PRKCA: variants seen among roughly 807,000 people sequenced by gnomAD.
The protein encoded by PRKCA is protein kinase C alpha.
PRKCA carries 27 observed loss-of-function variants against 87.0 expected under a neutral mutation model. That is an observed-to-expected ratio of 0.31 (90% CI 0.23 to 0.43). The LOEUF (loss-of-function observed/expected upper bound fraction) is 0.43. PRKCA is among the 20% of genes least tolerant of loss of function. The pLI is 1.00. For synonymous variants in PRKCA, 329 were observed against 311.1 expected, an observed-to-expected ratio of 1.06 and a Z score of -0.61; for missense variants, 518 against 852.3, an observed-to-expected ratio of 0.61 and a Z score of 4.88.
intron 13 of PRKCA, among the ~76,000 whole-genome samples, chr17:66,752,122 A>G (rs1340043230): frequency 2.0e-5 from 3 of 152,206 alleles, no homozygotes; most frequent in African/African-American, 7.2e-5. Context: ...TGACATCTGT[A>G]TAATAGGGTA....
chr17:66,422,081 C>T (rs1912528600), intron 2 of PRKCA, among the ~76,000 whole-genome samples: 1 of 152,060 alleles, frequency 6.6e-6, no homozygotes, highest in Non-Finnish European at 1.5e-5. Flanking sequence ...TCTCTCTGTC[C>T]TTGTTTGTCA....
At chr17:66,802,945 T>TC (rs1418163539) in intron 16 of PRKCA, among the ~76,000 whole-genome samples, 1 of 152,200 alleles carries the variant, frequency 6.6e-6, no homozygotes, top group Admixed American at 6.5e-5. Flanking sequence ...AACTCCCAGC[T>TC]CTTCCTGCTT....
At chr17:66,313,339 A>G (rs1445888419) in intron 2 of PRKCA, among the ~76,000 whole-genome samples, 2 of 152,236 alleles carry the variant, frequency 1.3e-5, no homozygotes, top group East Asian at 3.8e-4. Context: ...TAGGATCATT[A>G]AAGAAAAAGT....
intron 3 of PRKCA, among the ~76,000 whole-genome samples, chr17:66,593,152 C>T (rs542594011): frequency 2.6e-5 from 4 of 152,280 alleles, no homozygotes; most frequent in Admixed American, 1.3e-4. Flanking sequence ...CTTGAGGTTG[C>T]GTCAGGGTGA....
intron 2 of PRKCA, among the ~76,000 whole-genome samples, chr17:66,371,724 T>C (rs915877686): frequency 1.3e-5 from 2 of 152,184 alleles, no homozygotes; most frequent in Non-Finnish European, 2.9e-5. Context: ...ATGTTGCTTT[T>C]TAAAGGCCAC....
chr17:66,788,728 G>C, intron 15 of PRKCA, 111 bp from the exon 16 acceptor site: 2 of 1,303,476 alleles, frequency 1.5e-6, no homozygotes, highest in Non-Finnish European at 2.1e-6. Context: ...CTGAGATGCT[G>C]TCCAGGCGTC....
chr17:66,765,450 A>C (rs796845245), intron 13 of PRKCA, among the ~76,000 whole-genome samples: 52 of 133,904 alleles, frequency 3.9e-4, no homozygotes, highest in African/African-American at 7.5e-4. Flanking sequence ...ATATATATAT[A>C]TATATCCATA....
intron 13 of PRKCA, among the ~76,000 whole-genome samples, chr17:66,743,406 C>T (rs1974200441): frequency 6.6e-6 from 1 of 152,198 alleles, no homozygotes; most frequent in Non-Finnish European, 1.5e-5. Flanking sequence ...ACGGGGGTTG[C>T]AGTGATGGTG....
At chr17:66,714,506 G>A (rs2144137612) in intron 8 of PRKCA, among the ~76,000 whole-genome samples, 1 of 152,274 alleles carries the variant, frequency 6.6e-6, no homozygotes. Flanking sequence ...CTTTTTAGGA[G>A]AGGTCTCACT....
Position 66,674,937 on chromosome 17 carries a change from A to G in PRKCA, c.530-12174A>G, listed in dbSNP as rs375277943. ...GGCCTGACTGCAGTGCACGCCCACC[A>G]ATGGGAAGTCGTGCCCACACCAGTG... is the stretch of plus-strand genomic sequence containing the variant. On this transcript the variant is annotated intron_variant, in intron 5 of 16. Coordinates refer to ENST00000413366, the MANE Select transcript of PRKCA (RefSeq NM_002737.3). Among the ~76,000 whole-genome samples, 3 of 152,294 alleles carry G rather than the reference A, an allele frequency of 2.0e-5. No individual in the cohort carries two copies. In the South Asian group the frequency reaches 6.2e-4, roughly 32 times the overall value.
intron 5 of PRKCA, among the ~76,000 whole-genome samples, chr17:66,670,721 G>A (rs1246627001): frequency 6.6e-6 from 1 of 151,986 alleles, no homozygotes; most frequent in Non-Finnish European, 1.5e-5. Flanking sequence ...GAAATGACCG[G>A]TGTGATGGCG....
intron 2 of PRKCA, among the ~76,000 whole-genome samples, chr17:66,364,788 C>T (rs573900697): frequency 6.6e-6 from 1 of 152,264 alleles, no homozygotes; most frequent in South Asian, 2.1e-4. Flanking sequence ...TCTGTTTTCT[C>T]TTTCATTTCC....
intron 16 of PRKCA, among the ~76,000 whole-genome samples, chr17:66,802,967 T>G (rs1254516210): frequency 2.6e-5 from 4 of 152,208 alleles, no homozygotes; most frequent in African/African-American, 9.6e-5. Context: ...AGAGTCACCC[T>G]GGGCTCCCGG....
At chr17:66,781,860 G>T (rs1353024105) in intron 14 of PRKCA, among the ~76,000 whole-genome samples, 1 of 112,468 alleles carries the variant, frequency 8.9e-6, no homozygotes, top group Non-Finnish European at 1.8e-5. Context: ...GAGAGAGAGA[G>T]AGAGAGAGAT....
At chr17:66,347,580 A>G (rs966717833) in intron 2 of PRKCA, among the ~76,000 whole-genome samples, 1 of 152,084 alleles carries the variant, frequency 6.6e-6, no homozygotes, top group African/African-American at 2.4e-5. Flanking sequence ...GGAAAACACT[A>G]TTTCATTGAG....
chr17:66,670,147 G>A (rs1357884935), intron 5 of PRKCA, among the ~76,000 whole-genome samples: 1 of 152,170 alleles, frequency 6.6e-6, no homozygotes, highest in African/African-American at 2.4e-5. Flanking sequence ...AGAGATGCAA[G>A]AGCTCAGAAT....
intron 2 of PRKCA, among the ~76,000 whole-genome samples, chr17:66,446,903 T>G (rs1914064854): frequency 6.6e-6 from 1 of 152,222 alleles, no homozygotes; most frequent in Admixed American, 6.5e-5. Context: ...TTTCTTGCAC[T>G]GAATTCTGAG....
intron 2 of PRKCA, among the ~76,000 whole-genome samples, chr17:66,321,016 GAT>G (rs1459550742): frequency 6.6e-6 from 1 of 152,124 alleles, no homozygotes; most frequent in Non-Finnish European, 1.5e-5. Flanking sequence ...CTTTATTTTT[GAT>G]AGTTTCAGTG....
chr17:66,662,412 A>G lies in PRKCA; in HGVS notation c.529+16901A>G, dbSNP rs145952960. Among the ~76,000 whole-genome samples the G allele has an allele frequency of 2.7e-3, 412 of 152,250 alleles. 6 individuals carry two copies. Among genetic ancestry groups the G allele is most frequent in the African/African-American group, 9.6e-3 (400 of 41,542 alleles). ...CCAATTCAGTGATGGCTTTAGCGCC[A>G]TGGCTCAGCGGCACCCAAGCAGCTT... On this transcript the variant is annotated intron_variant, in intron 5 of 16. Coordinates refer to ENST00000413366, the MANE Select transcript of PRKCA (RefSeq NM_002737.3).
Sources: gnomAD v4.1 joint callset for allele counts (sites outside exome capture counted in the v4.1 genomes callset) on GRCh38, gnomAD v4.1.1 for gene constraint, MANE v1.5 for transcripts, NCBI Gene and HGNC (gene_info 2026-07-23, HGNC 2026-07-21) for gene names.